The following TSEN15 variants were observed in gnomAD, a reference collection of about 807,000 sequenced individuals.
The protein encoded by TSEN15 is tRNA splicing endonuclease subunit 15.
TSEN15 carries 10 observed loss-of-function variants against 20.5 expected under a neutral mutation model. The observed-to-expected ratio is 0.49, with a 90% CI of 0.30 to 0.83. The LOEUF (loss-of-function observed/expected upper bound fraction) is 0.83. Among genes scored for constraint, TSEN15 ranks in the 40% least tolerant of loss-of-function variants. The pLI is 0.06. For missense variants in TSEN15, 180 were observed against 218.6 expected (o/e 0.82, Z 1.11); for synonymous variants, 72 against 80.1 (o/e 0.90, Z 0.54).
chr1:184,061,468 C>G (rs1375155685), intron 3 of TSEN15, among the ~76,000 whole-genome samples: 1 of 152,076 alleles, frequency 6.6e-6, no homozygotes, highest in African/African-American at 2.4e-5. Flanking sequence ...CACATAAGGC[C>G]TGATAACTGT....
rs1314043619 is a variant in TSEN15 at position 184,073,700 on chromosome 1, T to G, written c.*853T>G. On this transcript the variant is annotated 3_prime_UTR_variant, in exon 5 of 5. Transcript: ENST00000645668. ...TAGTAGCCCAAATTATAAACCACTTTAAAGTTTGGGGTAAAGATTGGCAAA... is the reference window on the plus strand; with the variant it reads ...TAGTAGCCCAAATTATAAACCACTTGAAAGTTTGGGGTAAAGATTGGCAAA... The G allele has an allele frequency of 6.6e-6, 1 of 152,624 alleles. No individual in the cohort carries two copies. The highest frequency in any genetic ancestry group is 1.5e-5 in the Non-Finnish European group (1 of 68,038). The allele number at this position is 152,624 out of a possible 1,614,324, so 9.5% of individuals were successfully genotyped here. A position where few individuals can be genotyped will look rare whatever the true frequency, so the allele number is the denominator to read the frequency against.
intron 3 of TSEN15, chr1:184,070,591 T>C (rs1364654867): frequency 7.2e-6 from 8 of 1,109,186 alleles, no homozygotes; most frequent in Non-Finnish European, 6.0e-6. Flanking sequence ...TAAAAATGTA[T>C]CTTTTTCTAT....
chr1:184,054,464 A>G (rs184352588), intron 2 of TSEN15, 29 bp downstream of exon 2: 23 of 1,527,742 alleles, frequency 1.5e-5, no homozygotes, highest in Non-Finnish European at 2.0e-5. Context: ...TTGTTTTGTT[A>G]TTGGGACTGT....
intron 3 of TSEN15, among the ~76,000 whole-genome samples, chr1:184,058,477 T>A (rs1470957261): frequency 3.9e-5 from 6 of 152,084 alleles, no homozygotes; most frequent in Admixed American, 3.9e-4. Context: ...TATGTGTGTA[T>A]GTGTGATTTC....
At chr1:184,055,499 A>G (rs1189418183) in intron 3 of TSEN15, among the ~76,000 whole-genome samples, 1 of 152,228 alleles carries the variant, frequency 6.6e-6, no homozygotes, top group Non-Finnish European at 1.5e-5. Flanking sequence ...TATGTATGGT[A>G]GAAATATTTA....
chr1:184,051,848 TTCG>T lies in TSEN15; in HGVS notation c.95_97del (p.Ser32del), dbSNP rs751226528. The stretch of plus-strand genomic sequence containing the variant: ...GCTTTGGCGACGGCGGTGGAGCTCC[TTCG>T]TGGGCCCCTGAGGACGCCTGGATGG... On this transcript the variant is annotated inframe_deletion, in exon 1 of 5. Transcript: ENST00000645668. 7 of 1,552,048 alleles carry T rather than the reference TTCG, an allele frequency of 4.5e-6. No homozygotes were observed. Among genetic ancestry groups the T allele is most frequent in the Non-Finnish European group, 5.2e-6 (6 of 1,148,752 alleles).
intron 3 of TSEN15, among the ~76,000 whole-genome samples, chr1:184,081,031 G>T (rs1298897241): frequency 6.6e-6 from 1 of 152,114 alleles, no homozygotes. Flanking sequence ...GATTCAATAG[G>T]TCAAATTAAT....
exon 4 of TSEN15, chr1:184,095,875 G>A (rs114736807): frequency 0.01 from 4,059 of 397,338 alleles, 132 homozygotes; most frequent in African/African-American, 0.075. Context: ...GTTATGACAG[G>A]CCTAGCAAAC....
chr1:184,060,729 C>G (rs1446044179), intron 3 of TSEN15, among the ~76,000 whole-genome samples: 1 of 152,016 alleles, frequency 6.6e-6, no homozygotes, highest in East Asian at 1.9e-4. Flanking sequence ...TCATTTGTAC[C>G]CCCACTTTTT....
At chr1:184,091,789 A>G (rs1425360524) in intron 3 of TSEN15, among the ~76,000 whole-genome samples, 1 of 152,196 alleles carries the variant, frequency 6.6e-6, no homozygotes, top group Non-Finnish European at 1.5e-5. Flanking sequence ...TCACCCAGGA[A>G]CACCTGCAAT....
chr1:184,057,997 A>T (rs1011357779), intron 3 of TSEN15, among the ~76,000 whole-genome samples: 4 of 152,128 alleles, frequency 2.6e-5, no homozygotes, highest in Non-Finnish European at 4.4e-5. Context: ...AGCTAGTATT[A>T]ATGTTATATT....
At chr1:184,054,648 C>A in intron 2 of TSEN15, 80 bp from the exon 3 acceptor site, 2 of 1,489,486 alleles carry the variant, frequency 1.3e-6, no homozygotes, top group Non-Finnish European at 9.1e-7. Flanking sequence ...ATTTGCTCAG[C>A]TGAGTATTAG....
At chr1:184,070,148 T>A (rs1378839420) in intron 3 of TSEN15, among the ~76,000 whole-genome samples, 1 of 152,096 alleles carries the variant, frequency 6.6e-6, no homozygotes, top group East Asian at 1.9e-4. Flanking sequence ...AAATTGAGAA[T>A]GGAAAAAGAG....
Position 184,089,660 on chromosome 1 carries a change from T to C in TSEN15, c.354-6030T>C, listed in dbSNP as rs150096426. On this transcript the variant is annotated intron_variant, in intron 3 of 3. Coordinates refer to the TSEN15 transcript ENST00000643231. Reference sequence around the variant, plus strand: ...ATAATAAATGAAATATCAAAATCATTCATGAGGGTACTAGATAGCATGCGG... The same window carrying C: ...ATAATAAATGAAATATCAAAATCATCCATGAGGGTACTAGATAGCATGCGG... Among the ~76,000 whole-genome samples, 1,269 of 151,970 alleles carry C rather than the reference T, an allele frequency of 8.4e-3. 24 individuals are homozygous for C. The highest frequency in any genetic ancestry group is 0.029 in the African/African-American group (1,210 of 41,430).
intron 3 of TSEN15, among the ~76,000 whole-genome samples, chr1:184,093,371 G>A (rs1651392877): frequency 6.6e-6 from 1 of 152,134 alleles, no homozygotes; most frequent in Non-Finnish European, 1.5e-5. Flanking sequence ...CACAGGCTTT[G>A]ACAGAACCCA....
intron 3 of TSEN15, among the ~76,000 whole-genome samples, chr1:184,057,102 A>G (rs1650275494): frequency 6.6e-6 from 1 of 152,162 alleles, no homozygotes; most frequent in South Asian, 2.1e-4. Flanking sequence ...TAGGTTACAA[A>G]AGACTGTGGC....
At chr1:184,068,918 T>C (rs1650786698) in intron 3 of TSEN15, among the ~76,000 whole-genome samples, 1 of 152,218 alleles carries the variant, frequency 6.6e-6, no homozygotes, top group African/African-American at 2.4e-5. Flanking sequence ...TTTTAACCCA[T>C]GATACATTCT....
chr1:184,075,552 T>C (rs1374906297), downstream of TSEN15, among the ~76,000 whole-genome samples: 1 of 152,116 alleles, frequency 6.6e-6, no homozygotes, highest in Non-Finnish European at 1.5e-5. Flanking sequence ...ATTATAGCCG[T>C]GTCTGATTAT....
At chr1:184,058,976 T>C (rs1364670965) in intron 3 of TSEN15, among the ~76,000 whole-genome samples, 1 of 152,072 alleles carries the variant, frequency 6.6e-6, no homozygotes, top group Non-Finnish European at 1.5e-5. Flanking sequence ...AACAAATACT[T>C]TCATGACATC....
Sources: allele counts gnomAD v4.1 joint callset (sites outside exome capture counted in the v4.1 genomes callset), GRCh38; gene constraint gnomAD v4.1.1; transcripts MANE v1.5; gene names NCBI Gene and HGNC (gene_info 2026-07-23, HGNC 2026-07-21).